DEPTOR: variants seen among roughly 807,000 people sequenced by gnomAD.
DEPTOR encodes the protein DEP domain-containing mTOR-interacting protein.
Under a neutral mutation model 41.6 loss-of-function variants are expected in DEPTOR, and 41 were observed. That is an observed-to-expected ratio of 0.98 (90% confidence interval 0.77 to 1.28). The LOEUF is 1.28. Ranked by LOEUF, DEPTOR falls within the 50% of genes most tolerant of loss-of-function variation. The pLI is 0.00. For synonymous variants in DEPTOR, 195 were observed against 192.3 expected (o/e 1.01, Z -0.12); for missense variants, 514 against 527.9 (o/e 0.97, Z 0.26).
At chr8:119,935,964 C>G (rs941655874) in intron 3 of DEPTOR, among the ~76,000 whole-genome samples, 4 of 150,070 alleles carry the variant, frequency 2.7e-5, no homozygotes, top group African/African-American at 7.3e-5. Flanking sequence ...ACTAAATCCC[C>G]TCTTAATCTG....
At chr8:119,983,818 TA>T (rs1472171386) in intron 4 of DEPTOR, among the ~76,000 whole-genome samples, 1 of 152,010 alleles carries the variant, frequency 6.6e-6, no homozygotes, top group South Asian at 2.1e-4. Context: ...TAAAGACAGT[TA>T]AAAAAAAGAC....
intron 1 of DEPTOR, among the ~76,000 whole-genome samples, chr8:119,895,894 C>T (rs557139742): frequency 2.0e-5 from 3 of 152,280 alleles, no homozygotes; most frequent in African/African-American, 4.8e-5. Context: ...GGACTTTAAA[C>T]TTTACCTTAT....
At chr8:120,010,487 A>G (rs2130107855) in intron 8 of DEPTOR, among the ~76,000 whole-genome samples, 1 of 152,034 alleles carries the variant, frequency 6.6e-6, no homozygotes, top group East Asian at 1.9e-4. Context: ...GTAGTGGCTC[A>G]TTCCTGTAGT....
intron 1 of DEPTOR, among the ~76,000 whole-genome samples, chr8:119,880,461 A>G (rs1323463777): frequency 2.0e-5 from 3 of 152,214 alleles, no homozygotes. Flanking sequence ...TCTGCTCTTA[A>G]GCACTATGAT....
intron 1 of DEPTOR, among the ~76,000 whole-genome samples, chr8:119,876,648 A>G (rs1189350992): frequency 6.6e-6 from 1 of 151,976 alleles, no homozygotes; most frequent in East Asian, 1.9e-4. Context: ...AAAAAAAAAA[A>G]AAGAAGAAGA....
chr8:119,997,907 A>G (rs1812294560), intron 4 of DEPTOR, among the ~76,000 whole-genome samples: 1 of 152,184 alleles, frequency 6.6e-6, no homozygotes, highest in Admixed American at 6.5e-5. Flanking sequence ...GGTTTTTATT[A>G]TCTAGATTAT....
intron 8 of DEPTOR, among the ~76,000 whole-genome samples, chr8:120,027,111 G>A (rs374677520): frequency 3.3e-5 from 5 of 151,874 alleles, no homozygotes; most frequent in African/African-American, 1.2e-4. Flanking sequence ...CCAGCTACTC[G>A]GGAGGCTGAG....
chr8:120,029,510 C>G (rs1812852623), intron 8 of DEPTOR, among the ~76,000 whole-genome samples: 1 of 152,078 alleles, frequency 6.6e-6, no homozygotes, highest in African/African-American at 2.4e-5. Flanking sequence ...ATTCTCCTGT[C>G]TCAGCCACCG....
chr8:119,926,153 C>T (rs1827961107), intron 1 of DEPTOR, among the ~76,000 whole-genome samples: 1 of 152,140 alleles, frequency 6.6e-6, no homozygotes, highest in African/African-American at 2.4e-5. Context: ...TCCGATTTCA[C>T]TCCACCAGCT....
chr8:119,983,468 TCTGCCTTCCAGGTTCAAGCGATTCTC>T (rs1391010895), intron 4 of DEPTOR, among the ~76,000 whole-genome samples: 4 of 152,112 alleles, frequency 2.6e-5, no homozygotes, highest in Non-Finnish European at 5.9e-5. Context: ...CACTGCAACC[TCTGCCTTCCAGGTTCAAGCGATTCTC>T]CTGCCTTAGC....
intron 4 of DEPTOR, among the ~76,000 whole-genome samples, chr8:119,994,245 GGCGTAA>G (rs1459960898): frequency 6.6e-6 from 1 of 152,160 alleles, no homozygotes; most frequent in Non-Finnish European, 1.5e-5. Context: ...GAACCCTGGA[GGCGTAA>G]GTTGCAGTGA....
At chr8:119,992,945 C>G (rs1353731135) in intron 4 of DEPTOR, among the ~76,000 whole-genome samples, 1 of 152,178 alleles carries the variant, frequency 6.6e-6, no homozygotes, top group Non-Finnish European at 1.5e-5. Context: ...GTGTGAGCCA[C>G]TGCGCCCAAC....
At chr8:119,921,430 C>T (rs984349709) in intron 1 of DEPTOR, among the ~76,000 whole-genome samples, 23 of 152,124 alleles carry the variant, frequency 1.5e-4, no homozygotes, top group African/African-American at 3.6e-4. Context: ...ATTTTCAAAG[C>T]TCATTTTTAG....
At chr8:120,006,412 T>C (rs1812438132) in intron 6 of DEPTOR, among the ~76,000 whole-genome samples, 1 of 151,898 alleles carries the variant, frequency 6.6e-6, no homozygotes, top group Non-Finnish European at 1.5e-5. Flanking sequence ...TAATCCCAGC[T>C]ACTCAGGAGG....
rs548188400 is a variant in DEPTOR, at chr8:120,032,000, C to A, written c.1102-17576C>A. ...CTGGCAGTTGGGATGAAGAGCTGGA[C>A]ACAGAGTGCGGGAGAGTGAGAACAA... On this transcript the variant is annotated intron_variant, in intron 8 of 8. Transcript: ENST00000286234. 2.0e-5 allele frequency among the ~76,000 whole-genome samples: 3 copies of A among 152,210 alleles called. No homozygotes were observed. In the South Asian group the frequency reaches 6.2e-4, roughly 32 times the overall value.
intron 3 of DEPTOR, 41 bp downstream of exon 3, chr8:119,929,979 A>G (rs1187669506): frequency 6.3e-7 from 1 of 1,590,210 alleles, no homozygotes; most frequent in Non-Finnish European, 8.6e-7. Context: ...CTTGACTTAT[A>G]GAAAGAAGCA....
At chr8:120,042,663 C>T (rs185399393) in intron 8 of DEPTOR, among the ~76,000 whole-genome samples, 55 of 150,546 alleles carry the variant, frequency 3.7e-4, no homozygotes, top group Admixed American at 8.6e-4. Flanking sequence ...GGATTACAGG[C>T]ATGCACCACG....
chr8:119,955,690 T>C (rs1311052863), intron 3 of DEPTOR, among the ~76,000 whole-genome samples: 1 of 152,152 alleles, frequency 6.6e-6, no homozygotes. Context: ...GGTCTCGAAC[T>C]CTTGACCTCA....
intron 1 of DEPTOR, among the ~76,000 whole-genome samples, chr8:119,886,482 TACAC>T (rs1015636245): frequency 2.8e-4 from 42 of 150,632 alleles, no homozygotes; most frequent in Non-Finnish European, 4.9e-4. Context: ...CACATACACA[TACAC>T]ACACAGACAC....
Sources: gnomAD v4.1 joint callset for allele counts (sites outside exome capture counted in the v4.1 genomes callset) on GRCh38, gnomAD v4.1.1 for gene constraint, MANE v1.5 for transcripts, NCBI Gene and HGNC (gene_info 2026-07-23, HGNC 2026-07-21) for gene names.